Variants in CUX2 observed in about 807,000 individuals in gnomAD.
CUX2 encodes the protein cut like homeobox 2.
A neutral mutation model predicts 144.8 loss-of-function variants in CUX2; 40 were observed. The observed-to-expected ratio is 0.28, with a 90% confidence interval of 0.21 to 0.36. The LOEUF is 0.36. Among genes scored for constraint, CUX2 ranks in the 10% least tolerant of loss-of-function variants. CUX2 has a pLI of 1.00. For synonymous variants in CUX2, 827 were observed against 875.6 expected (o/e 0.94, Z 0.98); for missense variants, 1,615 against 1,994.0 (o/e 0.81, Z 3.62).
At chr12:111,283,974 C>T (rs1453108643) in intron 4 of CUX2, among the ~76,000 whole-genome samples, 2 of 152,198 alleles carry the variant, frequency 1.3e-5, no homozygotes, top group Non-Finnish European at 2.9e-5. Flanking sequence ...CAGTCCGAGG[C>T]TCATCCTGTC....
chr12:111,254,928 C>T (rs960423377), intron 3 of CUX2, among the ~76,000 whole-genome samples: 2 of 152,150 alleles, frequency 1.3e-5, no homozygotes, highest in African/African-American at 4.8e-5. Flanking sequence ...TGGCTCACTG[C>T]GACCTCTGCC....
chr12:111,294,849 G>A (rs1025750947), intron 6 of CUX2, among the ~76,000 whole-genome samples: 1 of 151,962 alleles, frequency 6.6e-6, no homozygotes, highest in African/African-American at 2.4e-5. Context: ...AGTGAGCCGA[G>A]TTCGGGTCAC....
intron 1 of CUX2, among the ~76,000 whole-genome samples, chr12:111,147,015 A>G (rs538833057): frequency 6.6e-6 from 1 of 152,254 alleles, no homozygotes; most frequent in East Asian, 1.9e-4. Flanking sequence ...CGTGCCTGTA[A>G]TCCCAGATAA....
intron 1 of CUX2, among the ~76,000 whole-genome samples, chr12:111,067,480 G>A (rs1871069348): frequency 3.3e-5 from 5 of 152,280 alleles, no homozygotes; most frequent in Admixed American, 2.6e-4. Flanking sequence ...ATCATCCTGA[G>A]GGCATTCTCT....
chr12:111,215,052 G>A (rs1472111287), intron 2 of CUX2, among the ~76,000 whole-genome samples: 1 of 152,234 alleles, frequency 6.6e-6, no homozygotes, highest in Middle Eastern at 3.4e-3. Flanking sequence ...AAAGGATGTG[G>A]CACATCAGGG....
At position 111,341,992 on chromosome 12, in the gene CUX2, C is replaced by T; in HGVS notation, c.3598C>T (p.Leu1200Phe). 1 of 1,614,088 alleles carries T rather than the reference C, an allele frequency of 6.2e-7. No individual in the cohort carries two copies. The highest frequency in any genetic ancestry group is 8.5e-7 in the Non-Finnish European group (1 of 1,180,010). ...EPYPSQQTIELLSFQLNLKTN... is the reference protein window; with the variant it reads ...EPYPSQQTIEFLSFQLNLKTN... ...CTACCCCTCGCAGCAGACCATCGAG[C>T]TCCTCTCCTTCCAGCTCAACCTCAA... Residue 1200 changes from leucine to phenylalanine, a missense_variant, in exon 21 of 22, where the codon CTC becomes TTC. Physicochemically the swap from Leu to Phe is conservative, Grantham distance 22 (BLOSUM62 0). Transcript: ENST00000261726.
chr12:111,100,723 C>T (rs138081695), intron 1 of CUX2, among the ~76,000 whole-genome samples: 13 of 152,310 alleles, frequency 8.5e-5, no homozygotes, highest in African/African-American at 2.9e-4. Context: ...CATATGAGAG[C>T]GTGTGGACTG....
chr12:111,201,288 C>T (rs959815631), intron 1 of CUX2, among the ~76,000 whole-genome samples: 1 of 152,162 alleles, frequency 6.6e-6, no homozygotes, highest in Non-Finnish European at 1.5e-5. Context: ...GTCTCTTGCC[C>T]GCACGGTTCC....
At chr12:111,205,537 G>C (rs997252982) in intron 1 of CUX2, among the ~76,000 whole-genome samples, 16 of 152,276 alleles carry the variant, frequency 1.1e-4, no homozygotes, top group African/African-American at 3.4e-4. Flanking sequence ...CTGTGAACAA[G>C]AACTGTATCA....
At chr12:111,137,544 G>T (rs1013324916) in intron 1 of CUX2, among the ~76,000 whole-genome samples, 1 of 151,940 alleles carries the variant, frequency 6.6e-6, no homozygotes, top group African/African-American at 2.4e-5. Context: ...ACAGGGTCTT[G>T]TTCTGTCACC....
chr12:111,340,669 G>A (rs1026329782), intron 20 of CUX2, among the ~76,000 whole-genome samples: 4 of 152,178 alleles, frequency 2.6e-5, no homozygotes, highest in African/African-American at 7.2e-5. Flanking sequence ...TCTGCTAGCC[G>A]TGATAAAGAC....
intron 17 of CUX2, among the ~76,000 whole-genome samples, chr12:111,321,065 C>G (rs745400578): frequency 8.5e-5 from 13 of 152,168 alleles, no homozygotes; most frequent in Non-Finnish European, 1.6e-4. Flanking sequence ...GACTTGGTGG[C>G]TCACGCCTGT....
intron 4 of CUX2, among the ~76,000 whole-genome samples, chr12:111,280,315 G>C (rs1287633790): frequency 6.6e-6 from 1 of 152,070 alleles, no homozygotes; most frequent in Non-Finnish European, 1.5e-5. Context: ...AAGAATCAGG[G>C]AGAGACAGAA....
Position 111,057,649 on chromosome 12 carries a change from T to C in CUX2, c.63+23409T>C, listed in dbSNP as rs1361513579. ...CCCACTTCTGCCAGCAGCCTCCCCT[T>C]CTGCCAGAAAGAGTGACTCCCACCT... On this transcript the variant is annotated intron_variant, in intron 1 of 21. Transcript: ENST00000261726. The surrounding 1 kb of genome is among the most constrained non-coding windows in gnomAD (Gnocchi z 5.1). Among the ~76,000 whole-genome samples the C allele has an allele frequency of 6.6e-6, 1 of 152,128 alleles. No individual in the cohort carries two copies. The highest frequency in any genetic ancestry group is 1.5e-5 in the Non-Finnish European group (1 of 68,020).
At chr12:111,283,163 A>G (rs1885205216) in intron 4 of CUX2, among the ~76,000 whole-genome samples, 2 of 151,978 alleles carry the variant, frequency 1.3e-5, no homozygotes, top group Non-Finnish European at 2.9e-5. Context: ...GGTTGCAGTG[A>G]GCCAAGATCG....
At chr12:111,346,966 C>T (rs1272888476) in intron 21 of CUX2, among the ~76,000 whole-genome samples, 3 of 151,978 alleles carry the variant, frequency 2.0e-5, no homozygotes, top group East Asian at 1.9e-4. Context: ...GAGCTGAGAT[C>T]GCACCACTGC....
intron 1 of CUX2, among the ~76,000 whole-genome samples, chr12:111,104,942 T>G (rs1873499951): frequency 6.6e-6 from 1 of 152,066 alleles, no homozygotes; most frequent in Non-Finnish European, 1.5e-5. Flanking sequence ...ACCCTGTGGC[T>G]CCCATATTGG....
chr12:111,228,836 G>T (rs192192182), intron 3 of CUX2, among the ~76,000 whole-genome samples: 110 of 152,218 alleles, frequency 7.2e-4, no homozygotes, highest in Non-Finnish European at 1.4e-3. Flanking sequence ...TGTGACTGGG[G>T]CACTTTTCTT....
intron 1 of CUX2, among the ~76,000 whole-genome samples, chr12:111,191,472 C>G (rs1404952470): frequency 6.6e-6 from 1 of 152,090 alleles, no homozygotes; most frequent in African/African-American, 2.4e-5. Flanking sequence ...GCTGAGATTA[C>G]AGGCACACGC....
Sources: allele counts gnomAD v4.1 joint callset (sites outside exome capture counted in the v4.1 genomes callset), GRCh38; gene constraint gnomAD v4.1.1; non-coding constraint Gnocchi (gnomAD v3.1); transcripts MANE v1.5; gene names NCBI Gene and HGNC (gene_info 2026-07-23, HGNC 2026-07-21).